Variants in ASAP1 observed in about 807,000 individuals in gnomAD.
The protein encoded by ASAP1 is ArfGAP with SH3 domain, ankyrin repeat and PH domain 1, also known as arf-GAP with SH3 domain, ANK repeat and PH domain-containing protein 1.
ASAP1 carries 43 observed loss-of-function variants against 145.2 expected under a neutral mutation model. The ratio of observed to expected loss-of-function variants is 0.30; its 90% CI spans 0.23 to 0.38. ASAP1 has a LOEUF of 0.38. Ranked by LOEUF, ASAP1 falls within the 10% of genes least tolerant of loss-of-function variation. The pLI, the probability that ASAP1 is intolerant of heterozygous loss-of-function variation, is 1.00. For synonymous variants in ASAP1, 546 were observed against 515.5 expected, an observed-to-expected ratio of 1.06 and a Z score of -0.80; for missense variants, 1,018 against 1,355.3, an observed-to-expected ratio of 0.75 and a Z score of 3.91.
At chr8:130,438,202 T>A (rs1365847709) in intron 1 of ASAP1, among the ~76,000 whole-genome samples, 2 of 152,158 alleles carry the variant, frequency 1.3e-5, no homozygotes, top group African/African-American at 4.8e-5. Flanking sequence ...TCTAAATAAC[T>A]GAGAGGACTT....
chr8:130,166,633 T>C (rs1295682376), intron 11 of ASAP1, among the ~76,000 whole-genome samples: 1 of 152,160 alleles, frequency 6.6e-6, no homozygotes, highest in Non-Finnish European at 1.5e-5. Context: ...GGATTGTTCA[T>C]ATGGCTGACT....
At chr8:130,332,609 C>T (rs1008036149) in intron 3 of ASAP1, among the ~76,000 whole-genome samples, 17 of 152,172 alleles carry the variant, frequency 1.1e-4, no homozygotes, top group Admixed American at 7.9e-4. Context: ...AACAACTTTT[C>T]GTTTTCTTAT....
At chr8:130,162,155 ACTAAGTCCTCC>A (rs1426135503) in intron 11 of ASAP1, among the ~76,000 whole-genome samples, 1 of 152,168 alleles carries the variant, frequency 6.6e-6, no homozygotes, top group African/African-American at 2.4e-5. Flanking sequence ...AATGTGGTTC[ACTAAGTCCTCC>A]CTAATAGATA....
chr8:130,108,776 T>G (rs888570388), intron 24 of ASAP1, among the ~76,000 whole-genome samples: 2,084 of 129,592 alleles, frequency 0.016, 19 homozygotes, highest in Middle Eastern at 0.038. Context: ...TTTTTTTTTT[T>G]TTTTTTTTTT....
chr8:130,208,280 G>A (rs1816355443), intron 5 of ASAP1, among the ~76,000 whole-genome samples: 1 of 152,028 alleles, frequency 6.6e-6, no homozygotes, highest in African/African-American at 2.4e-5. Flanking sequence ...ATTTTTGCAT[G>A]CATTCATTGT....
At chr8:130,271,289 A>G (rs1820570323) in intron 3 of ASAP1, among the ~76,000 whole-genome samples, 2 of 152,214 alleles carry the variant, frequency 1.3e-5, no homozygotes, top group Admixed American at 6.5e-5. Flanking sequence ...AGTTTATCCT[A>G]TATGTACCTT....
chr8:130,069,053 TC>T (rs2097436226), intron 27 of ASAP1, among the ~76,000 whole-genome samples: 1 of 151,998 alleles, frequency 6.6e-6, no homozygotes, highest in Admixed American at 6.6e-5. Context: ...GCCAAAGGAC[TC>T]CTCCCAGGAA....
intron 23 of ASAP1, among the ~76,000 whole-genome samples, chr8:130,113,627 A>C (rs1240296628): frequency 1.4e-5 from 2 of 147,132 alleles, no homozygotes; most frequent in Non-Finnish European, 3.0e-5. Flanking sequence ...TTTCAGAGGT[A>C]GTTAACTGCT....
chr8:130,122,510 A>T (rs2097568081), intron 18 of ASAP1, among the ~76,000 whole-genome samples: 1 of 152,226 alleles, frequency 6.6e-6, no homozygotes, highest in Non-Finnish European at 1.5e-5. Flanking sequence ...CTTATACAGC[A>T]CTAACTATAG....
At chr8:130,428,040 C>T (rs993199597) in intron 1 of ASAP1, among the ~76,000 whole-genome samples, 1 of 152,178 alleles carries the variant, frequency 6.6e-6, no homozygotes, top group African/African-American at 2.4e-5. Context: ...CAAGTCTCTA[C>T]ACTTGGCCAC....
intron 3 of ASAP1, among the ~76,000 whole-genome samples, chr8:130,239,254 T>C (rs570888737): frequency 1.3e-5 from 2 of 152,242 alleles, no homozygotes; most frequent in South Asian, 2.1e-4. Context: ...ATTTGCATTG[T>C]AGAGGAAAGA....
intron 2 of ASAP1, among the ~76,000 whole-genome samples, chr8:130,395,248 A>G (rs1211256474): frequency 1.3e-5 from 2 of 152,230 alleles, no homozygotes; most frequent in Non-Finnish European, 2.9e-5. Context: ...AAGGCCCACC[A>G]TGCACCAGGT....
intron 5 of ASAP1, among the ~76,000 whole-genome samples, chr8:130,214,350 T>C (rs1262705749): frequency 1.3e-5 from 2 of 152,184 alleles, no homozygotes; most frequent in East Asian, 1.9e-4. Context: ...AATTTCACAA[T>C]GGGATTTTCT....
chr8:130,208,335 T>C (rs1416379765), intron 5 of ASAP1, among the ~76,000 whole-genome samples: 2 of 152,204 alleles, frequency 1.3e-5, no homozygotes, highest in Non-Finnish European at 2.9e-5. Flanking sequence ...CTGTCACATG[T>C]ATAGATAACT....
chr8:130,233,617 C>T (rs937281448), intron 4 of ASAP1, among the ~76,000 whole-genome samples: 2 of 152,154 alleles, frequency 1.3e-5, no homozygotes, highest in African/African-American at 2.4e-5. Flanking sequence ...ACCTTCCTCA[C>T]GCTACCTCAG....
At chr8:130,119,182 A>T (rs540995483) in intron 18 of ASAP1, among the ~76,000 whole-genome samples, 245 of 152,232 alleles carry the variant, frequency 1.6e-3, no homozygotes, top group Non-Finnish European at 1.6e-3. Flanking sequence ...GAGCTCAAGC[A>T]ATTCTCCTGC....
At chr8:130,202,023 T>C (rs1306380639) in intron 5 of ASAP1, among the ~76,000 whole-genome samples, 2 of 152,170 alleles carry the variant, frequency 1.3e-5, no homozygotes, top group African/African-American at 4.8e-5. Context: ...ATAGTAGACA[T>C]TATTGTCTTC....
rs2097559577 is a variant in ASAP1 at position 130,118,249 on chromosome 8, A to C, written c.1795-3T>G. The C allele has an allele frequency of 6.2e-7, 1 of 1,613,270 alleles. No individual in the cohort carries two copies. Among genetic ancestry groups the C allele is most frequent in the Non-Finnish European group, 8.5e-7 (1 of 1,179,510 alleles). On this transcript the variant is annotated splice_polypyrimidine_tract_variant and splice_region_variant and intron_variant, in intron 19 of 29. Transcript: ENST00000518721. ...TGAAGGGCTGTCTCCCCAAGCTCCT[A>C]AAAAGGGAAAGAAAAGTATAAGTAA...
chr8:130,225,156 A>G (rs977263849), intron 4 of ASAP1, among the ~76,000 whole-genome samples: 2 of 152,202 alleles, frequency 1.3e-5, no homozygotes, highest in African/African-American at 4.8e-5. Context: ...ATCAGTTTGT[A>G]AGAATGTCTT....
Sources: gnomAD v4.1 joint callset for allele counts (sites outside exome capture counted in the v4.1 genomes callset) on GRCh38, gnomAD v4.1.1 for gene constraint, MANE v1.5 for transcripts, NCBI Gene and HGNC (gene_info 2026-07-23, HGNC 2026-07-21) for gene names.